Variants in SLC25A46 observed in about 807,000 individuals in gnomAD.
SLC25A46 encodes the protein solute carrier family 25 member 46.
In SLC25A46, 39 loss-of-function variants were observed where a neutral mutation model predicts 44.6. The observed-to-expected ratio is 0.87, with a 90% CI of 0.68 to 1.14. The LOEUF is 1.14. SLC25A46 is among the 50% of genes most tolerant of loss of function. The pLI is 0.00. For synonymous variants in SLC25A46, 202 were observed against 185.8 expected, an observed-to-expected ratio of 1.09 and a Z score of -0.71; for missense variants, 547 against 522.7, an observed-to-expected ratio of 1.05 and a Z score of -0.45.
At chr5:110,738,273 C>A (rs1269129473), upstream of SLC25A46, 5 of 1,276,248 alleles carry the variant, frequency 3.9e-6, no homozygotes, top group Admixed American at 1.2e-4. Flanking sequence ...CTACAGTAGT[C>A]CTCTCAGTTA....
At chr5:110,758,200 C>T (rs1384871726) in intron 7 of SLC25A46, among the ~76,000 whole-genome samples, 15 of 152,016 alleles carry the variant, frequency 9.9e-5, no homozygotes, top group Admixed American at 7.9e-4. Context: ...CATCTCTTGT[C>T]TTATACCTTA....
At position 110,746,349 on chromosome 5, in the gene SLC25A46, G is replaced by A; in HGVS notation, c.462+3G>A. ...TGTACAGTTTCAACAAAACTCAGGTGAGAATTTTGTCTGGATTCTATTAAA... is the reference window on the plus strand; with the variant it reads ...TGTACAGTTTCAACAAAACTCAGGTAAGAATTTTGTCTGGATTCTATTAAA... On this transcript the variant is annotated splice_donor_region_variant and intron_variant, in intron 4 of 7. Coordinates refer to ENST00000355943, the MANE Select transcript of SLC25A46 (RefSeq NM_138773.4). The A allele has an allele frequency of 6.4e-7, 1 of 1,571,688 alleles. No homozygotes were observed. The highest frequency in any genetic ancestry group is 1.2e-5 in the South Asian group (1 of 85,366).
chr5:110,742,209 T>G, intron 2 of SLC25A46, 120 bp downstream of exon 2: 1 of 609,882 alleles, frequency 1.6e-6, no homozygotes, highest in South Asian at 3.1e-5. Context: ...AAGCAGCAGC[T>G]TAAATTTTGA....
Position 110,755,475 on chromosome 5 carries a change from C to T in SLC25A46, c.574C>T (p.His192Tyr). The T allele has an allele frequency of 6.4e-7, 1 of 1,569,548 alleles. No individual in the cohort carries two copies. Among genetic ancestry groups the T allele is most frequent in the Non-Finnish European group, 8.6e-7 (1 of 1,156,510 alleles). ...EFTPLPREVL[H>Y]KWSPKQIGEH... ...ATTTTTATGTTTTAGGGAGGTTTTA[C>T]ATAAATGGAGTCCTAAACAAATAGG... The change falls in exon 6 of 8, where the codon CAT (histidine) becomes TAT (tyrosine). Residue 192 changes from histidine to tyrosine, a missense_variant. Transcript: ENST00000355943.
chr5:110,754,378 A>C (rs1255128059), intron 5 of SLC25A46: 2 of 78,200 alleles, frequency 2.6e-5, no homozygotes, highest in African/African-American at 4.8e-5. Flanking sequence ...TTTTCTTCTT[A>C]TTTACTTTCT....
upstream of SLC25A46, chr5:110,738,775 T>G (rs1323374087): frequency 2.8e-6 from 1 of 355,994 alleles, no homozygotes; most frequent in Non-Finnish European, 5.0e-6. Flanking sequence ...ATCTTTGAAC[T>G]CCTCCCATGC....
chr5:110,742,922 A>G (rs984257112), intron 2 of SLC25A46, among the ~76,000 whole-genome samples: 2 of 152,112 alleles, frequency 1.3e-5, no homozygotes, highest in Admixed American at 1.3e-4. Context: ...ATTTCATGCC[A>G]TAATGATCAT....
Position 110,761,185 on chromosome 5 carries a change from T to TTCA in SLC25A46, c.679-14_679-12dup. The TTCA allele has an allele frequency of 1.3e-6, 2 of 1,555,542 alleles. No individual in the cohort carries two copies. The highest frequency in any genetic ancestry group is 1.7e-6 in the Non-Finnish European group (2 of 1,147,704). On this transcript the variant is annotated intron_variant, in intron 7 of 7. Transcript: ENST00000355943. This position sits in a 1 kb window ranked among gnomAD's most constrained non-coding sequence, Gnocchi z 5.3. ...TAAGCAAATGTTAAGTTTTACTTAT[T>TTCA]TCATCATTTTTATTTCAGAGTGAGA...
Position 110,762,748 on chromosome 5 carries a change from T to G in SLC25A46, c.*966T>G, listed in dbSNP as rs1800288397. The G allele has an allele frequency of 6.6e-6, 1 of 151,926 alleles. No individual in the cohort carries two copies. The highest frequency in any genetic ancestry group is 1.5e-5 in the Non-Finnish European group (1 of 67,904). The allele number at this position is 151,926 out of a possible 1,614,324, so 9.4% of individuals were successfully genotyped here. ...ATTTCCCTTTTATTTCTGAATGGCT[T>G]GTCTGAGAGGAAACAAAATTAAAAT... On this transcript the variant is annotated 3_prime_UTR_variant, in exon 8 of 8. Transcript: ENST00000355943.
At position 110,761,327 on chromosome 5, in the gene SLC25A46, A is replaced by G. The variant is rs764395268; in HGVS notation, c.802A>G (p.Thr268Ala). The stretch of plus-strand genomic sequence containing the variant: ...TCCGCTTCTTTCCTTGATCTTCCCT[A>G]CGGTGCTTCATGGAGTTCTTCATTA... ...LLPLLSLIFP[T>A]VLHGVLHYII... Residue 268 changes from threonine (T) to alanine (A), a missense_variant, in exon 8 of 8, where the codon ACG (threonine) becomes GCG (alanine). By Grantham distance (58) the Thr-to-Ala change is moderately conservative (BLOSUM62 0). Transcript: ENST00000355943. The surrounding 1 kb of genome is among the most constrained non-coding windows in gnomAD (Gnocchi z 5.3). 1 of 1,613,698 alleles carries G rather than the reference A, an allele frequency of 6.2e-7. No homozygotes were observed. Among genetic ancestry groups the G allele is most frequent in the Non-Finnish European group, 8.5e-7 (1 of 1,179,792 alleles).
rs1455409159 is a variant in SLC25A46, at chr5:110,761,091, G to A, written c.679-113G>A. On this transcript the variant is annotated intron_variant, in intron 7 of 7. Coordinates refer to ENST00000355943, the MANE Select transcript of SLC25A46 (RefSeq NM_138773.4). The surrounding 1 kb of genome is among the most constrained non-coding windows in gnomAD (Gnocchi z 5.3). ...CAGTTAAAGTCTGCAAATCATGGAT[G>A]TTTCCCTCTTCAGTCACTATGTTAG... 4 of 779,606 alleles carry A rather than the reference G, an allele frequency of 5.1e-6. No homozygotes were observed. The highest frequency in any genetic ancestry group is 5.3e-5 in the Admixed American group (2 of 37,594). The allele number at this position is 779,606 out of a possible 1,614,324, so 48.3% of individuals were successfully genotyped here.
Position 110,741,284 on chromosome 5 carries a change from C to T in SLC25A46, c.284-763C>T, listed in dbSNP as rs1437191004. On this transcript the variant is annotated intron_variant, in intron 1 of 7. Transcript: ENST00000355943. ...GACATATGCATAGGAATGTTCCCAGCTGTGAACTTTTCCAGTAACATAACA... is the reference window on the plus strand; with the variant it reads ...GACATATGCATAGGAATGTTCCCAGTTGTGAACTTTTCCAGTAACATAACA... Among the ~76,000 whole-genome samples, 3 of 152,174 alleles carry T rather than the reference C, an allele frequency of 2.0e-5. No individual in the cohort carries two copies. The East Asian group carries it at 5.8e-4, about 29-fold the overall frequency.
intron 5 of SLC25A46, among the ~76,000 whole-genome samples, chr5:110,749,867 A>T (rs1799916679): frequency 6.6e-6 from 1 of 152,126 alleles, no homozygotes. Context: ...GGAAATTAGA[A>T]ATTTTTAAGG....
chr5:110,761,114 T>C lies in SLC25A46; in HGVS notation c.679-90T>C. The C allele has an allele frequency of 1.0e-6, 1 of 955,594 alleles. No homozygotes were observed. Among genetic ancestry groups the C allele is most frequent in the Non-Finnish European group, 1.6e-6 (1 of 629,364 alleles). 59.2% of individuals were successfully genotyped at this position (955,594 alleles called of 1,614,324 possible). A position where few individuals can be genotyped will look rare whatever the true frequency, so the allele number is the denominator to read the frequency against. ...ATGTTTCCCTCTTCAGTCACTATGTTAGGATTTAAAAGGAACCTAAAAAGA... is the reference window on the plus strand; with the variant it reads ...ATGTTTCCCTCTTCAGTCACTATGTCAGGATTTAAAAGGAACCTAAAAAGA... On this transcript the variant is annotated intron_variant, in intron 7 of 7. Transcript: ENST00000355943. This position sits in a 1 kb window ranked among gnomAD's most constrained non-coding sequence, Gnocchi z 5.3.
chr5:110,738,160 T>A, upstream of SLC25A46: 2 of 1,206,100 alleles, frequency 1.7e-6, no homozygotes, highest in Non-Finnish European at 2.1e-6. Flanking sequence ...TCCAACGAGT[T>A]GAAGGAACAT....
chr5:110,750,825 A>G (rs1043764935), intron 5 of SLC25A46, among the ~76,000 whole-genome samples: 6 of 152,154 alleles, frequency 3.9e-5, no homozygotes, highest in Admixed American at 3.3e-4. Context: ...GGTCCTGGCT[A>G]TTCCACTTTT....
Position 110,763,125 on chromosome 5 carries a change from ATG to A in SLC25A46, c.*1347_*1348del, listed in dbSNP as rs1232005674. The A allele has an allele frequency of 6.6e-6, 1 of 151,940 alleles. No homozygotes were observed. The highest frequency in any genetic ancestry group is 1.5e-5 in the Non-Finnish European group (1 of 67,902). The allele number at this position is 151,940 out of a possible 1,614,324, so 9.4% of individuals were successfully genotyped here. On this transcript the variant is annotated 3_prime_UTR_variant, in exon 8 of 8. Transcript: ENST00000355943. ...TAAGCACTTTGTGTAGTAAAATGAT[ATG>A]TGTCTGCTCTATCATTAGACATTTT...
rs567678043 is a variant in SLC25A46 at position 110,764,646 on chromosome 5, A to C, written c.*2864A>C. The C allele has an allele frequency of 6.6e-6, 1 of 151,840 alleles. No individual in the cohort carries two copies. Among genetic ancestry groups the C allele is most frequent in the African/African-American group, 2.4e-5 (1 of 41,374 alleles). 9.4% of individuals were successfully genotyped at this position (151,840 alleles called of 1,614,324 possible). On this transcript the variant is annotated 3_prime_UTR_variant, in exon 8 of 8. Transcript: ENST00000355943. ...TACAAATGCTTTAGTGTTTCTACCT[A>C]AGTATTAGTACATCTGTTCAGGAAA...
chr5:110,739,415 G>T lies in SLC25A46; in HGVS notation c.283+13G>T. 6.5e-7 allele frequency: 1 copy of T among 1,537,172 alleles called. No homozygotes were observed. Among genetic ancestry groups the T allele is most frequent in the East Asian group, 2.4e-5 (1 of 41,366 alleles). On this transcript the variant is annotated intron_variant, in intron 1 of 7. Transcript: ENST00000355943. ...GGGCAGAGCAGTGGTGAGAAGCATG[G>T]GGACCGACACAGGGATGAGGGGTTA...
Sources: allele counts gnomAD v4.1 joint callset (sites outside exome capture counted in the v4.1 genomes callset), GRCh38; gene constraint gnomAD v4.1.1; non-coding constraint Gnocchi (gnomAD v3.1); transcripts MANE v1.5; gene names NCBI Gene and HGNC (gene_info 2026-07-23, HGNC 2026-07-21).